Variants in SYT11 observed in about 807,000 individuals in gnomAD.
The protein encoded by SYT11 is synaptotagmin 11.
Under a neutral mutation model 30.4 loss-of-function variants are expected in SYT11, and 12 were observed. The ratio of observed to expected loss-of-function variants is 0.39; its 90% CI spans 0.25 to 0.64. The LOEUF is 0.64. Among genes scored for constraint, SYT11 ranks in the 30% least tolerant of loss-of-function variants. The probability of loss-of-function intolerance (pLI) is 0.45; values close to 1 mark genes in which losing one functional copy is unlikely to be tolerated. For missense variants in SYT11, 412 were observed against 552.0 expected (o/e 0.75, Z 2.54); for synonymous variants, 204 against 216.0 (o/e 0.94, Z 0.49).
intron 3 of SYT11, 117 bp from the exon 4 acceptor site, chr1:155,881,081 G>T (rs1672952290): frequency 1.9e-6 from 2 of 1,066,510 alleles, no homozygotes; most frequent in South Asian, 3.1e-5. Flanking sequence ...ACATGGGATG[G>T]CCATCAAAGA....
intron 1 of SYT11, among the ~76,000 whole-genome samples, chr1:155,866,103 CTCTTTTTTTTT>C (rs1278923334): frequency 7.3e-6 from 1 of 137,132 alleles, no homozygotes; most frequent in African/African-American, 2.6e-5. Flanking sequence ...ATTTCTCTTT[CTCTTTTTTTTT>C]TCTTTTTTTT....
chr1:155,874,879 G>C (rs749876002), intron 2 of SYT11, among the ~76,000 whole-genome samples: 20 of 149,838 alleles, frequency 1.3e-4, no homozygotes, highest in Non-Finnish European at 2.1e-4. Context: ...GACAGAGCAA[G>C]ACTCCGTCTC....
intron 1 of SYT11, among the ~76,000 whole-genome samples, chr1:155,864,065 A>G (rs1368346727): frequency 1.3e-5 from 2 of 152,094 alleles, no homozygotes; most frequent in Non-Finnish European, 2.9e-5. Context: ...AGCCTGAGTG[A>G]CATGGTGAAA....
Position 155,868,322 on chromosome 1 carries a change from A to T in SYT11, c.392A>T (p.Glu131Val). 4 of 1,614,090 alleles carry T rather than the reference A, an allele frequency of 2.5e-6. No individual in the cohort carries two copies. Among genetic ancestry groups the T allele is most frequent in the Non-Finnish European group, 3.4e-6 (4 of 1,180,008 alleles). ...QLPIKMDYGE[E>V]LRSPITSLTP... Reference sequence around the variant, plus strand: ...CCCATCAAAATGGACTATGGGGAAGAACTAAGGAGCCCTATTACAAGCCTG... The same window carrying T: ...CCCATCAAAATGGACTATGGGGAAGTACTAAGGAGCCCTATTACAAGCCTG... The change falls in exon 2 of 4, where the codon GAA becomes GTA. Residue 131 changes from glutamate to valine, a missense_variant. Coordinates refer to ENST00000368324, the MANE Select transcript of SYT11 (RefSeq NM_152280.5). This position sits in a 1 kb window ranked among gnomAD's most constrained non-coding sequence, Gnocchi z 4.7.
intron 2 of SYT11, among the ~76,000 whole-genome samples, chr1:155,877,778 G>C (rs1238613085): frequency 6.6e-6 from 1 of 151,504 alleles, no homozygotes; most frequent in East Asian, 1.9e-4. Flanking sequence ...GGATGGTCTC[G>C]ATCTCCTGAA....
chr1:155,877,584 C>G (rs1386741458), intron 2 of SYT11, among the ~76,000 whole-genome samples: 1 of 146,318 alleles, frequency 6.8e-6, no homozygotes, highest in Non-Finnish European at 1.5e-5. Flanking sequence ...GACAGAGTCT[C>G]GCTCTGTTGC....
intron 1 of SYT11, 147 bp from the exon 2 acceptor site, chr1:155,867,818 G>A: frequency 3.1e-6 from 2 of 654,468 alleles, no homozygotes; most frequent in Non-Finnish European, 5.2e-6. Context: ...TAATAGAAGG[G>A]AAAAATTCTG....
At chr1:155,866,137 G>C (rs1375542433) in intron 1 of SYT11, among the ~76,000 whole-genome samples, 1 of 131,778 alleles carries the variant, frequency 7.6e-6, no homozygotes, top group African/African-American at 2.8e-5. Flanking sequence ...TTTTGAGATG[G>C]GGTCTCGGTC....
chr1:155,871,312 C>T (rs574689721), intron 2 of SYT11, among the ~76,000 whole-genome samples: 9 of 152,306 alleles, frequency 5.9e-5, no homozygotes, highest in South Asian at 2.1e-4. Flanking sequence ...CTGCTGTTTC[C>T]GTATTCCCTT....
intron 2 of SYT11, among the ~76,000 whole-genome samples, chr1:155,870,063 T>C (rs748436099): frequency 1.3e-5 from 2 of 152,176 alleles, no homozygotes; most frequent in Non-Finnish European, 2.9e-5. Context: ...CTTGAAGAGG[T>C]TTCACTTTAT....
chr1:155,876,257 T>C (rs1672857370), intron 2 of SYT11, among the ~76,000 whole-genome samples: 1 of 145,550 alleles, frequency 6.9e-6, no homozygotes, highest in African/African-American at 2.5e-5. Flanking sequence ...TTTTTTTTTT[T>C]TCTTTTGAGA....
intron 1 of SYT11, among the ~76,000 whole-genome samples, chr1:155,867,337 G>T (rs1240027717): frequency 6.6e-6 from 1 of 152,142 alleles, no homozygotes; most frequent in Non-Finnish European, 1.5e-5. Flanking sequence ...GGGATTACAG[G>T]TGTGAGCCAC....
At position 155,881,537 on chromosome 1, in the gene SYT11, G is replaced by A. The variant is rs1323300127; in HGVS notation, c.*29G>A. On this transcript the variant is annotated 3_prime_UTR_variant, in exon 4 of 4. Transcript: ENST00000368324. ...TGTTCTTCTCTCCTCTAATCCCCGG[G>A]GGCCAAGCTGGGGAGGGATGTGGAG... The A allele has an allele frequency of 6.4e-7, 1 of 1,553,454 alleles. No homozygotes were observed. Among genetic ancestry groups the A allele is most frequent in the Non-Finnish European group, 8.7e-7 (1 of 1,143,998 alleles).
In SYT11 at chr1:155,881,212, G is replaced by A; in HGVS notation, c.1000G>A (p.Val334Met). Residue 334 changes from valine (V) to methionine (M), a missense_variant, in exon 4 of 4, where the codon GTG (valine) becomes ATG (methionine). Physicochemically the swap from Val to Met is conservative, Grantham distance 21. Transcript: ENST00000368324. ...TGLSGNPYVKVNVYYGRKRIA... is the reference protein window; with the variant it reads ...TGLSGNPYVKMNVYYGRKRIA... ...GGGGGCCCCAGATCCTTATGTCAAG[G>A]TGAACGTCTACTACGGCAGAAAGCG... The A allele has an allele frequency of 6.2e-7, 1 of 1,613,490 alleles. No individual in the cohort carries two copies. Among genetic ancestry groups the A allele is most frequent in the South Asian group, 1.1e-5 (1 of 91,070 alleles).
intron 1 of SYT11, among the ~76,000 whole-genome samples, chr1:155,866,571 G>A (rs1225994413): frequency 1.3e-5 from 2 of 152,246 alleles, no homozygotes; most frequent in South Asian, 2.1e-4. Context: ...AATAATATGC[G>A]TGTGGGTGTT....
At chr1:155,871,143 T>A (rs751120604) in intron 2 of SYT11, among the ~76,000 whole-genome samples, 5 of 152,168 alleles carry the variant, frequency 3.3e-5, no homozygotes, top group Non-Finnish European at 7.4e-5. Context: ...AATGCCAGGA[T>A]ACAATGAGAC....
chr1:155,880,712 C>T (rs1672946449), intron 3 of SYT11, 89 bp downstream of exon 3: 2 of 1,490,054 alleles, frequency 1.3e-6, no homozygotes, highest in Non-Finnish European at 1.8e-6. Flanking sequence ...ACTTCAAGAT[C>T]CTTGCCTCTT....
chr1:155,868,266 G>T lies in SYT11; in HGVS notation c.336G>T (p.Gly112=). The T allele has an allele frequency of 6.2e-7, 1 of 1,614,088 alleles. No individual in the cohort carries two copies. The highest frequency in any genetic ancestry group is 8.5e-7 in the Non-Finnish European group (1 of 1,180,010). The change falls in exon 2 of 4, where the codon GGG becomes GGT. Residue 112 remains glycine (G), a synonymous_variant. Transcript: ENST00000368324. The surrounding 1 kb of genome is among the most constrained non-coding windows in gnomAD (Gnocchi z 4.7). ...GLLSRDKDPR[G]PSSGSCIDQL... is the part of the protein sequence containing the mutation. ...TAAGCCGAGACAAAGATCCCAGGGG[G>T]CCTAGCTCTGGATCTTGTATAGACC...
At chr1:155,879,920 A>G (rs545287259) in intron 2 of SYT11, among the ~76,000 whole-genome samples, 46 of 152,220 alleles carry the variant, frequency 3.0e-4, no homozygotes, top group Non-Finnish European at 6.0e-4. Context: ...GCAACTGGGC[A>G]TGGTGGCTTA....
Sources: gnomAD v4.1 joint callset for allele counts (sites outside exome capture counted in the v4.1 genomes callset) on GRCh38, gnomAD v4.1.1 for gene constraint, Gnocchi (gnomAD v3.1) non-coding constraint, MANE v1.5 for transcripts, NCBI Gene and HGNC (gene_info 2026-07-23, HGNC 2026-07-21) for gene names.